Variants in SLC4A1 observed in about 807,000 individuals in gnomAD.
SLC4A1 encodes solute carrier family 4 member 1 (Diego blood group), also known as band 3 anion transport protein.
Under a neutral mutation model 93.1 loss-of-function variants are expected in SLC4A1, and 29 were observed. The observed-to-expected ratio is 0.31, with a 90% CI of 0.23 to 0.42. SLC4A1 has a LOEUF of 0.42. Ranked by LOEUF, SLC4A1 falls within the 20% of genes least tolerant of loss-of-function variation. SLC4A1 has a pLI of 1.00. For synonymous variants in SLC4A1, 469 were observed against 497.2 expected (o/e 0.94, Z 0.76); for missense variants, 965 against 1,190.1 (o/e 0.81, Z 2.78).
Position 44,259,809 on chromosome 17 carries a change from C to T in SLC4A1, c.609G>A (p.Gln203=). The T allele has an allele frequency of 6.2e-7, 1 of 1,614,046 alleles. No individual in the cohort carries two copies. The highest frequency in any genetic ancestry group is 8.5e-7 in the Non-Finnish European group (1 of 1,180,030). ...GACCCTGACCCTGTAACTGACTCACCTGCTCACAGAAGAGCTGTGTCTCCA... is the reference window on the plus strand; with the variant it reads ...GACCCTGACCCTGTAACTGACTCACTTGCTCACAGAAGAGCTGTGTCTCCA... The part of the protein sequence containing the change: ...SSLETQLFCE[Q]GDGGTEGHSP... The change falls in exon 7 of 20, where the codon CAG becomes CAA. Residue 203 remains glutamine (Q), a splice_region_variant and synonymous_variant. Transcript: ENST00000262418.
In SLC4A1 at chr17:44,265,145, C is replaced by A. The variant is rs28617346; in HGVS notation, c.-68-2211G>T. Among the ~76,000 whole-genome samples the A allele has an allele frequency of 7.0e-3, 1,050 of 149,998 alleles. 17 individuals carry two copies. Among genetic ancestry groups the A allele is most frequent in the African/African-American group, 0.025 (1,000 of 40,192 alleles). On this transcript the variant is annotated intron_variant, in intron 1 of 19. Transcript: ENST00000262418. ...GGGGCTGGTGGGAGGGGGTGCTGAG[C>A]TGAACAAGGCCCGTCTCTACTCTGG...
chr17:44,262,008 C>T, intron 3 of SLC4A1: 6 of 1,193,428 alleles, frequency 5.0e-6, no homozygotes, highest in Non-Finnish European at 6.3e-6. Context: ...TGAGACCAGA[C>T]TCCCTTCTCT....
chr17:44,258,489 A>G lies in SLC4A1; in HGVS notation c.1011T>C (p.Pro337=). 2 of 1,614,032 alleles carry G rather than the reference A, an allele frequency of 1.2e-6. No homozygotes were observed. The highest frequency in any genetic ancestry group is 1.7e-6 in the Non-Finnish European group (2 of 1,179,972). The stretch of plus-strand genomic sequence containing the variant: ...GCCTTCGAAGTAGCTCCCTCTGCAC[A>G]GGCACCAGACTGAGCAGTGCCTGCT... The part of the protein sequence containing the change: ...PSEQALLSLV[P]VQRELLRRRY... The change falls in exon 10 of 20, where the codon CCT becomes CCC. Residue 337 remains proline (P), a synonymous_variant. Transcript: ENST00000262418. This position sits in a 1 kb window ranked among gnomAD's most constrained non-coding sequence, Gnocchi z 6.1.
At chr17:44,259,668 C>T in intron 7 of SLC4A1, 87 bp from the exon 8 acceptor site, 1 of 1,533,806 alleles carries the variant, frequency 6.5e-7, no homozygotes, top group Admixed American at 1.7e-5. Context: ...TCTCGCTTCC[C>T]AACTCTCCTG....
At position 44,260,496 on chromosome 17, in the gene SLC4A1, C is replaced by A. The variant is rs761146259; in HGVS notation, c.393G>T (p.Val131=). The A allele has an allele frequency of 8.1e-6, 13 of 1,614,056 alleles. No homozygotes were observed. The highest frequency in any genetic ancestry group is 1.1e-5 in the Non-Finnish European group (13 of 1,180,026). ...LDLQETSLAG[V]ANQLLDRFIF... is the part of the protein sequence containing the mutation. ...TAAACCTGTCTAGCAGTTGGTTGGC[C>A]ACTCCAGCCAGGGAGGTCTCTTGCA... The change falls in exon 6 of 20, where the codon GTG becomes GTT. Residue 131 remains valine, a synonymous_variant. Coordinates refer to ENST00000262418, the MANE Select transcript of SLC4A1 (RefSeq NM_000342.4).
Position 44,257,782 on chromosome 17 carries a change from T to C in SLC4A1, c.1308A>G (p.Gly436=), listed in dbSNP as rs1229694832. 1 of 1,613,870 alleles carries C rather than the reference T, an allele frequency of 6.2e-7. No individual in the cohort carries two copies. Among genetic ancestry groups the C allele is most frequent in the South Asian group, 1.1e-5 (1 of 91,054 alleles). The change falls in exon 12 of 20, where the codon GGA becomes GGG. Residue 436 remains glycine, a synonymous_variant. Transcript: ENST00000262418. ...LLGEKTRNQM[G]VSELLISTAV... ...CAGTGGAGATCAGCAGCTCCGACAC[T>C]CCCATCTGGTTCCGGGTCTTTTCTC...
chr17:44,259,067 G>T (rs974417718), intron 9 of SLC4A1, 96 bp downstream of exon 9: 2 of 1,301,036 alleles, frequency 1.5e-6, no homozygotes, highest in African/African-American at 1.5e-5. Flanking sequence ...TCAAACCAGT[G>T]AACCTAAAGT....
In SLC4A1 at chr17:44,255,166, C is replaced by T. The variant is rs770065012; in HGVS notation, c.1890+41G>A. ...CATGCTGGGGGGTGGAAATGAGGAC[C>T]TGGGGGGTATCATGGTCTGAGGGCT... On this transcript the variant is annotated intron_variant, in intron 15 of 19. Transcript: ENST00000262418. 47 of 1,412,938 alleles carry T rather than the reference C, an allele frequency of 3.3e-5. No individual in the cohort carries two copies. In the Admixed American group the frequency reaches 8.7e-4, roughly 26 times the overall value. 87.5% of individuals were successfully genotyped at this position (1,412,938 alleles called of 1,614,324 possible).
rs373768879 is a variant in SLC4A1 at position 44,257,796 on chromosome 17, G to A, written c.1294C>T (p.Arg432Trp). Reference protein sequence around the residue: ...TFGGLLGEKTRNQMGVSELLI... With the variant: ...TFGGLLGEKTWNQMGVSELLI... ...AGCTCCGACACTCCCATCTGGTTCCGGGTCTTTTCTCCTGTGGGTAGAGGT... is the reference window on the plus strand; with the variant it reads ...AGCTCCGACACTCCCATCTGGTTCCAGGTCTTTTCTCCTGTGGGTAGAGGT... The change falls in exon 12 of 20, where the codon CGG becomes TGG. Residue 432 changes from arginine to tryptophan, a missense_variant. Coordinates refer to ENST00000262418, the MANE Select transcript of SLC4A1 (RefSeq NM_000342.4). The A allele has an allele frequency of 2.3e-5, 37 of 1,613,642 alleles. No individual in the cohort carries two copies. Among genetic ancestry groups the A allele is most frequent in the Admixed American group, 1.0e-4 (6 of 60,000 alleles).
rs202180496 is a variant in SLC4A1, at chr17:44,255,778, G to A, written c.1695C>T (p.Gly565=). 9.3e-6 allele frequency: 15 copies of A among 1,614,128 alleles called. No individual in the cohort carries two copies. The African/African-American group carries it at 1.3e-4, about 14-fold the overall frequency. ...AGAGGAGGGCTGTGTTGGGCAGGGG[G>A]CCCTGAGGTTTGGGCACCATCAACA... The part of the protein sequence containing the change: ...YNVLMVPKPQ[G]PLPNTALLSL... Residue 565 remains glycine (G), a synonymous_variant, in exon 14 of 20, where the codon GGC becomes GGT. Coordinates refer to ENST00000262418, the MANE Select transcript of SLC4A1 (RefSeq NM_000342.4).
chr17:44,256,902 CAT>C (rs1328628893), intron 13 of SLC4A1, among the ~76,000 whole-genome samples: 1 of 152,142 alleles, frequency 6.6e-6, no homozygotes. Flanking sequence ...TTGTCACAGT[CAT>C]GTGCACAGTC....
chr17:44,255,645 C>T, intron 14 of SLC4A1, 28 bp downstream of exon 14: 1 of 1,611,396 alleles, frequency 6.2e-7, no homozygotes, highest in Non-Finnish European at 8.5e-7. Context: ...GCAGTGTTGG[C>T]AAGGACAGGC....
intron 16 of SLC4A1, among the ~76,000 whole-genome samples, chr17:44,253,667 A>C (rs2047363034): frequency 6.6e-6 from 1 of 150,798 alleles, no homozygotes; most frequent in African/African-American, 2.4e-5. Flanking sequence ...GTCATTTTGC[A>C]TTTTTTTTTC....
rs372230785 is a variant in SLC4A1, at chr17:44,260,511, G to A, written c.378C>T (p.Thr126=). The A allele has an allele frequency of 1.5e-5, 24 of 1,614,084 alleles. No individual in the cohort carries two copies. Among genetic ancestry groups the A allele is most frequent in the Admixed American group, 5.0e-5 (3 of 60,014 alleles). Residue 126 remains threonine (T), a synonymous_variant, in exon 6 of 20, where the codon ACC becomes ACT. Coordinates refer to ENST00000262418, the MANE Select transcript of SLC4A1 (RefSeq NM_000342.4). ...GTTGGTTGGCCACTCCAGCCAGGGA[G>A]GTCTCTTGCAGGTCTAGGAGGACAG... ...KGTVLLDLQE[T]SLAGVANQLL...
At chr17:44,262,831 C>T (rs756292696) in intron 2 of SLC4A1, 21 bp downstream of exon 2, 2 of 1,613,268 alleles carry the variant, frequency 1.2e-6, no homozygotes, top group South Asian at 2.2e-5. Context: ...GGGAGCACTG[C>T]TGATGCCAGG....
chr17:44,262,399 C>A (rs1390716761), intron 3 of SLC4A1, among the ~76,000 whole-genome samples: 1 of 152,240 alleles, frequency 6.6e-6, no homozygotes, highest in South Asian at 2.1e-4. Context: ...AAACTGGCTG[C>A]CCGCCCTTCT....
chr17:44,253,677 CT>C (rs976209344), intron 16 of SLC4A1, among the ~76,000 whole-genome samples: 8 of 151,616 alleles, frequency 5.3e-5, no homozygotes, highest in African/African-American at 1.7e-4. Flanking sequence ...ATTTTTTTTT[CT>C]TTTTCTTTTT....
In SLC4A1 at chr17:44,256,993, C is replaced by CT. The variant is rs1279174931; in HGVS notation, c.1626+356dup. 3.2e-3 allele frequency among the ~76,000 whole-genome samples: 460 copies of CT among 142,322 alleles called. 7 individuals are homozygous for CT. The highest frequency in any genetic ancestry group is 0.027 in the South Asian group (118 of 4,408). The allele number at this position is 142,322 out of a possible 152,430, so 93.4% of individuals were successfully genotyped here. A position where few individuals can be genotyped will look rare whatever the true frequency, so the allele number is the denominator to read the frequency against. On this transcript the variant is annotated intron_variant, in intron 13 of 19. Coordinates refer to ENST00000262418, the MANE Select transcript of SLC4A1 (RefSeq NM_000342.4). ...ATGTGCGAGGACACAATGGCTCAGT[C>CT]TTTTTTTTTTTTTTTTGAGACGGAT...
intron 16 of SLC4A1, 24 bp downstream of exon 16, chr17:44,254,472 C>A: frequency 1.0e-6 from 1 of 959,518 alleles, no homozygotes; most frequent in Non-Finnish European, 1.7e-6. Context: ...CCCTCCCAGG[C>A]CCAGCCCCCA....
Sources: allele counts gnomAD v4.1 joint callset (sites outside exome capture counted in the v4.1 genomes callset), GRCh38; gene constraint gnomAD v4.1.1; non-coding constraint Gnocchi (gnomAD v3.1); transcripts MANE v1.5; gene names NCBI Gene and HGNC (gene_info 2026-07-23, HGNC 2026-07-21).